The following PRRG1 variants were observed in gnomAD, a reference collection of about 807,000 sequenced individuals.
The protein encoded by PRRG1 is transmembrane gamma-carboxyglutamic acid protein 1.
A neutral mutation model predicts 11.8 loss-of-function variants in PRRG1; 5 were observed. The observed-to-expected ratio is 0.42, with a 90% CI of 0.22 to 0.89. The LOEUF (loss-of-function observed/expected upper bound fraction) is 0.89, where lower values mean the gene tolerates loss of function less well. Among genes scored for constraint, PRRG1 ranks in the 40% least tolerant of loss-of-function variants. PRRG1 has a pLI of 0.28. For synonymous variants in PRRG1, 66 were observed against 60.4 expected, an observed-to-expected ratio of 1.09 and a Z score of -0.43; for missense variants, 155 against 166.1, an observed-to-expected ratio of 0.93 and a Z score of 0.37.
At position 37,432,308 on chromosome X, in the gene PRRG1, G is replaced by C. The variant is rs929045846; in HGVS notation, c.171+6308G>C. Among the ~76,000 whole-genome samples the C allele has an allele frequency of 5.1e-4, 46 of 89,662 alleles. 1 individual carries two copies. Among genetic ancestry groups the C allele is most frequent in the African/African-American group, 2.9e-3 (36 of 12,436 alleles). 77.9% of individuals were successfully genotyped at this position (89,662 alleles called of 115,157 possible). ...TCACCCTGTTAGCCAGGATGGTCTC[G>C]ATCTCCTGACCTCATGATCCGCCCG... is the stretch of plus-strand genomic sequence containing the variant. On this transcript the variant is annotated intron_variant, in intron 3 of 3. Transcript: ENST00000378628.
intron 1 of PRRG1, among the ~76,000 whole-genome samples, chrX:37,390,777 TA>T (rs1413274750): frequency 4.5e-5 from 5 of 112,136 alleles, no homozygotes; most frequent in Non-Finnish European, 9.4e-5. Flanking sequence ...GGGAACTGGC[TA>T]AAGCCTCAGG....
chrX:37,379,365 G>GT, intron 1 of PRRG1, among the ~76,000 whole-genome samples: 1 of 110,165 alleles, frequency 9.1e-6, no homozygotes, highest in East Asian at 2.8e-4. Context: ...TCCACTGCAA[G>GT]TAACAGTTAG....
chrX:37,411,287 G>A (rs1409232286), intron 2 of PRRG1, among the ~76,000 whole-genome samples: 1 of 111,740 alleles, frequency 8.9e-6, no homozygotes, highest in Non-Finnish European at 1.9e-5. Flanking sequence ...TAAGGGACTT[G>A]AGCATTTTGG....
intron 3 of PRRG1, among the ~76,000 whole-genome samples, chrX:37,445,829 G>A (rs1291137344): frequency 8.9e-6 from 1 of 112,676 alleles, no homozygotes; most frequent in Non-Finnish European, 1.9e-5. Flanking sequence ...TGTAAATAAA[G>A]TTTAATTAGA....
chrX:37,397,700 C>A (rs979150574), intron 1 of PRRG1, among the ~76,000 whole-genome samples: 1 of 111,041 alleles, frequency 9.0e-6, no homozygotes, highest in Admixed American at 9.6e-5. Context: ...TGGACCAGTT[C>A]AAAACATATT....
At chrX:37,443,234 A>C (rs1296314781) in intron 3 of PRRG1, among the ~76,000 whole-genome samples, 4 of 111,601 alleles carry the variant, frequency 3.6e-5, no homozygotes, top group Non-Finnish European at 7.5e-5. Context: ...GATGGGGACA[A>C]TAAGTTCTGG....
chrX:37,362,764 G>A (rs1296271671), intron 1 of PRRG1, among the ~76,000 whole-genome samples: 13 of 110,985 alleles, frequency 1.2e-4, no homozygotes, highest in South Asian at 3.8e-4. Flanking sequence ...AATCCTTACC[G>A]TTGGAGTGGG....
chrX:37,418,378 T>C (rs1044233516), intron 2 of PRRG1, among the ~76,000 whole-genome samples: 7 of 112,077 alleles, frequency 6.2e-5, no homozygotes, highest in Non-Finnish European at 1.3e-4. Context: ...ATGAGAAATT[T>C]ACAATTAAGC....
rs782675251 is a variant in PRRG1, at chrX:37,406,241, C to T, written c.-9C>T. 16 of 1,207,594 alleles carry T rather than the reference C, an allele frequency of 1.3e-5. No individual in the cohort carries two copies. In the South Asian group the frequency reaches 2.6e-4, roughly 20 times the overall value. On this transcript the variant is annotated 5_prime_UTR_variant, in exon 2 of 4. Coordinates refer to ENST00000378628, the MANE Select transcript of PRRG1 (RefSeq NM_001142395.2). The stretch of plus-strand genomic sequence containing the variant: ...TCATCCAGGGACGTGCCAGAAACCA[C>T]AAGAAAACATGGGGAGGGGTAAGTT...
rs1017768360 is a variant in PRRG1 at position 37,440,692 on chromosome X, C to T, written c.172-12444C>T. The T allele has an allele frequency of 1.7e-5, 8 of 473,942 alleles. No individual in the cohort carries two copies. The African/African-American group carries it at 1.7e-4, about 10-fold the overall frequency. The allele number at this position is 473,942 out of a possible 1,213,427, so 39.1% of individuals were successfully genotyped here. A position where few individuals can be genotyped will look rare whatever the true frequency, so the allele number is the denominator to read the frequency against. On this transcript the variant is annotated intron_variant, in intron 3 of 3. Coordinates refer to ENST00000378628, the MANE Select transcript of PRRG1 (RefSeq NM_001142395.2). ...GATAAATTAATAAAAATTATAATTC[C>T]CTATTAACCTAGGTTTTATATTAGT... is the stretch of plus-strand genomic sequence containing the variant.
chrX:37,354,415 C>T (rs1288179479), intron 1 of PRRG1, among the ~76,000 whole-genome samples: 2 of 104,298 alleles, frequency 1.9e-5, no homozygotes, highest in East Asian at 6.0e-4. Flanking sequence ...TTTATTGGGA[C>T]AGAGTCTCAC....
intron 1 of PRRG1, among the ~76,000 whole-genome samples, chrX:37,403,026 T>C (rs1179250259): frequency 8.1e-5 from 9 of 110,432 alleles, no homozygotes; most frequent in African/African-American, 3.0e-4. Context: ...TTTTACACTG[T>C]TGGTGGGACT....
At chrX:37,358,931 G>A (rs1930330183) in intron 1 of PRRG1, among the ~76,000 whole-genome samples, 3 of 111,229 alleles carry the variant, frequency 2.7e-5, no homozygotes, top group Admixed American at 9.6e-5. Flanking sequence ...CTTGCTCATC[G>A]CTGATATATA....
At position 37,382,709 on chromosome X, in the gene PRRG1, AT is replaced by A. The variant is rs782344231; in HGVS notation, c.-41-23498del. 2.1e-4 allele frequency among the ~76,000 whole-genome samples: 18 copies of A among 87,089 alleles called. 1 individual carries two copies. The highest frequency in any genetic ancestry group is 9.8e-3 in the Middle Eastern group (2 of 204). The allele number at this position is 87,089 out of a possible 115,157, so 75.6% of individuals were successfully genotyped here. ...CTCAACTCATTAAAATATCTTTTTA[AT>A]TCAATAGATTTTTGCATGTCTAGTA... is the stretch of plus-strand genomic sequence containing the variant. On this transcript the variant is annotated intron_variant, in intron 1 of 3. Transcript: ENST00000378628.
In PRRG1 at chrX:37,433,487, G is replaced by C. The variant is rs545772923; in HGVS notation, c.171+7487G>C. 3.7e-5 allele frequency among the ~76,000 whole-genome samples: 4 copies of C among 108,710 alleles called. 1 individual carries two copies. In the South Asian group the frequency reaches 1.7e-3, roughly 47 times the overall value. The allele number at this position is 108,710 out of a possible 115,157, so 94.4% of individuals were successfully genotyped here. ...TCAAGTTCATTTTCACAGTGAGAAAGCACTCTACCTTAAATTGCAACCGCT... is the reference window on the plus strand; with the variant it reads ...TCAAGTTCATTTTCACAGTGAGAAACCACTCTACCTTAAATTGCAACCGCT... On this transcript the variant is annotated intron_variant, in intron 3 of 3. Coordinates refer to ENST00000378628, the MANE Select transcript of PRRG1 (RefSeq NM_001142395.2).
At chrX:37,419,342 A>G (rs1329376804) in intron 2 of PRRG1, among the ~76,000 whole-genome samples, 1 of 111,942 alleles carries the variant, frequency 8.9e-6, no homozygotes, top group Non-Finnish European at 1.9e-5. Flanking sequence ...AAAAGCAAGC[A>G]TATACATTAT....
rs1291458913 is a variant in PRRG1 at position 37,378,664 on chromosome X, G to C, written c.-41-27545G>C. Among the ~76,000 whole-genome samples, 3 of 111,525 alleles carry C rather than the reference G, an allele frequency of 2.7e-5. No homozygotes were observed. In the East Asian group the frequency reaches 8.4e-4, roughly 31 times the overall value. ...TTTGATCTCCTAGGATCTTTGCCAG[G>C]TTCGTAATTGCACTGAGATTTTTAA... On this transcript the variant is annotated intron_variant, in intron 1 of 3. Coordinates refer to ENST00000378628, the MANE Select transcript of PRRG1 (RefSeq NM_001142395.2).
intron 1 of PRRG1, chrX:37,403,740 C>T (rs1238661729): frequency 1.3e-6 from 1 of 752,959 alleles, no homozygotes; most frequent in Non-Finnish European, 1.6e-6. Context: ...AGCAGAGGAT[C>T]CGAATGGAAA....
chrX:37,398,875 G>A (rs1172644225), intron 1 of PRRG1, among the ~76,000 whole-genome samples: 1 of 111,209 alleles, frequency 9.0e-6, no homozygotes, highest in African/African-American at 3.3e-5. Flanking sequence ...GGAAGAAAGG[G>A]TATCAGTGAT....
Sources: allele counts gnomAD v4.1 joint callset (sites outside exome capture counted in the v4.1 genomes callset), GRCh38; gene constraint gnomAD v4.1.1; transcripts MANE v1.5; gene names NCBI Gene and HGNC (gene_info 2026-07-23, HGNC 2026-07-21).